TBCK: variants seen among roughly 807,000 people sequenced by gnomAD.
TBCK encodes TBC1 domain containing kinase, also known as TBC domain-containing protein kinase-like protein.
TBCK carries 99 observed loss-of-function variants against 113.4 expected under a neutral mutation model. That is an observed-to-expected ratio of 0.87 (90% CI 0.74 to 1.03). TBCK has a LOEUF of 1.03. Ranked by LOEUF, TBCK falls within the 50% of genes least tolerant of loss-of-function variation. TBCK has a pLI of 0.00. For synonymous variants in TBCK, 369 were observed against 370.8 expected (o/e 1.00, Z 0.05); for missense variants, 1,045 against 1,061.3 (o/e 0.98, Z 0.21).
chr4:106,079,179 T>C (rs1052586974), intron 25 of TBCK, among the ~76,000 whole-genome samples: 12 of 151,970 alleles, frequency 7.9e-5, no homozygotes, highest in African/African-American at 2.7e-4. Flanking sequence ...TACCTCAAAA[T>C]AAAAAGAGGC....
chr4:106,179,522 G>T (rs1752081727), intron 22 of TBCK, among the ~76,000 whole-genome samples: 1 of 152,078 alleles, frequency 6.6e-6, no homozygotes, highest in African/African-American at 2.4e-5. Context: ...CTATTCAGAA[G>T]CACATCATTT....
intron 22 of TBCK, among the ~76,000 whole-genome samples, chr4:106,172,776 T>G (rs561615216): frequency 6.6e-6 from 1 of 152,124 alleles, no homozygotes; most frequent in Non-Finnish European, 1.5e-5. Context: ...CCATCTATTA[T>G]GTGACAGGTA....
At chr4:106,109,100 T>C (rs988772331) in intron 24 of TBCK, among the ~76,000 whole-genome samples, 1 of 150,968 alleles carries the variant, frequency 6.6e-6, no homozygotes, top group Non-Finnish European at 1.5e-5. Flanking sequence ...CAATGAGAAT[T>C]ACAAAACACT....
At chr4:106,173,592 C>A (rs893045408) in intron 22 of TBCK, among the ~76,000 whole-genome samples, 7 of 152,030 alleles carry the variant, frequency 4.6e-5, no homozygotes, top group African/African-American at 1.7e-4. Flanking sequence ...TTATTTTTAT[C>A]TGCTTCCAAG....
At chr4:106,246,238 T>G (rs1206186738) in intron 10 of TBCK, among the ~76,000 whole-genome samples, 1 of 152,158 alleles carries the variant, frequency 6.6e-6, no homozygotes, top group African/African-American at 2.4e-5. Context: ...TGCCTTCCCA[T>G]TTGGCATGAA....
At chr4:106,105,906 C>T (rs941551496) in intron 24 of TBCK, among the ~76,000 whole-genome samples, 1 of 152,102 alleles carries the variant, frequency 6.6e-6, no homozygotes, top group Non-Finnish European at 1.5e-5. Flanking sequence ...CTTAATCATG[C>T]CGAACTGGCT....
chr4:106,257,787 CT>C (rs938139285), intron 5 of TBCK, among the ~76,000 whole-genome samples: 4 of 151,982 alleles, frequency 2.6e-5, no homozygotes, highest in Admixed American at 2.6e-4. Context: ...ATTTGGGTTT[CT>C]TCATCTGTAA....
chr4:106,194,049 C>A (rs896729657), intron 21 of TBCK, among the ~76,000 whole-genome samples: 1 of 152,050 alleles, frequency 6.6e-6, no homozygotes, highest in African/African-American at 2.4e-5. Context: ...ATTATTCTCA[C>A]AGATTTATCT....
At chr4:106,113,938 T>C (rs1253420158) in intron 24 of TBCK, among the ~76,000 whole-genome samples, 2 of 152,180 alleles carry the variant, frequency 1.3e-5, no homozygotes, top group Non-Finnish European at 2.9e-5. Flanking sequence ...TAAGAGGGAA[T>C]GACATGCCCC....
chr4:106,283,432 T>C lies in TBCK; in HGVS notation c.266+11662A>G, dbSNP rs1166058889. ...ATTTGGAGGAGGAAAATATAATTTT[T>C]GCTTTGGTTGAGAAGAAGAGTACGA... On this transcript the variant is annotated intron_variant, in intron 3 of 25. Coordinates refer to ENST00000394708, the MANE Select transcript of TBCK (RefSeq NM_001163435.3). 2.0e-5 allele frequency among the ~76,000 whole-genome samples: 3 copies of C among 152,238 alleles called. No individual in the cohort carries two copies. In the East Asian group the frequency reaches 5.8e-4, roughly 29 times the overall value.
intron 22 of TBCK, among the ~76,000 whole-genome samples, chr4:106,188,462 C>T (rs1560787275): frequency 6.6e-6 from 1 of 152,150 alleles, no homozygotes; most frequent in South Asian, 2.1e-4. Flanking sequence ...CTAATGCCAT[C>T]ATTGGTATCT....
intron 24 of TBCK, among the ~76,000 whole-genome samples, chr4:106,106,894 T>C (rs373484996): frequency 2.6e-4 from 40 of 152,210 alleles, no homozygotes; most frequent in African/African-American, 8.9e-4. Context: ...CAAGAGACTA[T>C]CTCACACATA....
chr4:106,144,938 G>C (rs533705986), intron 23 of TBCK, among the ~76,000 whole-genome samples: 1 of 150,818 alleles, frequency 6.6e-6, no homozygotes. Flanking sequence ...CAGGAAAATC[G>C]CTTGAACTGG....
At chr4:106,161,619 A>G (rs947719401) in intron 23 of TBCK, among the ~76,000 whole-genome samples, 3 of 152,116 alleles carry the variant, frequency 2.0e-5, no homozygotes, top group Non-Finnish European at 2.9e-5. Context: ...GAGATATACA[A>G]ATAATATTAA....
At chr4:106,298,548 T>C (rs553650617) in intron 2 of TBCK, among the ~76,000 whole-genome samples, 1 of 151,934 alleles carries the variant, frequency 6.6e-6, no homozygotes, top group Non-Finnish European at 1.5e-5. Context: ...AGGCAGAGCT[T>C]GTAGTGAGCC....
chr4:106,075,214 TG>T (rs1474662329), intron 25 of TBCK, among the ~76,000 whole-genome samples: 1 of 152,204 alleles, frequency 6.6e-6, no homozygotes, highest in Non-Finnish European at 1.5e-5. Context: ...CAAGTAAATA[TG>T]TAAAGTTCTC....
chr4:106,155,808 T>C (rs373101032), intron 23 of TBCK, among the ~76,000 whole-genome samples: 1 of 152,148 alleles, frequency 6.6e-6, no homozygotes, highest in Admixed American at 6.5e-5. Flanking sequence ...TTGAATTTCT[T>C]TGAGTTTCCT....
intron 23 of TBCK, among the ~76,000 whole-genome samples, chr4:106,135,126 T>G (rs779193250): frequency 8.5e-5 from 13 of 152,128 alleles, no homozygotes; most frequent in Non-Finnish European, 1.8e-4. Flanking sequence ...TTGAGAAAGA[T>G]GAAATATCAT....
intron 12 of TBCK, among the ~76,000 whole-genome samples, chr4:106,241,400 T>C (rs552930655): frequency 8.9e-4 from 136 of 152,076 alleles, no homozygotes; most frequent in African/African-American, 3.2e-3. Flanking sequence ...ATGATGATTA[T>C]AAAAATCAGC....
Sources: allele counts gnomAD v4.1 joint callset (sites outside exome capture counted in the v4.1 genomes callset), GRCh38; gene constraint gnomAD v4.1.1; transcripts MANE v1.5; gene names NCBI Gene and HGNC (gene_info 2026-07-23, HGNC 2026-07-21).